The following SPATS2L variants were observed in gnomAD, a reference collection of about 807,000 sequenced individuals.
SPATS2L encodes the protein SPATS2-like protein.
In SPATS2L, 30 loss-of-function variants were observed where a neutral mutation model predicts 59.6. The ratio of observed to expected loss-of-function variants is 0.50; its 90% CI spans 0.38 to 0.68. The LOEUF is 0.68. Among genes scored for constraint, SPATS2L ranks in the 30% least tolerant of loss-of-function variants. The probability of loss-of-function intolerance (pLI) is 0.00; values close to 1 mark genes in which losing one functional copy is unlikely to be tolerated. For missense variants in SPATS2L, 615 were observed against 700.0 expected, an observed-to-expected ratio of 0.88 and a Z score of 1.37; for synonymous variants, 252 against 263.5, an observed-to-expected ratio of 0.96 and a Z score of 0.42.
chr2:200,336,926 T>C (rs1441829513), intron 2 of SPATS2L, among the ~76,000 whole-genome samples: 1 of 149,880 alleles, frequency 6.7e-6, no homozygotes, highest in African/African-American at 2.4e-5. Flanking sequence ...TCATACTTAG[T>C]GAAATTTTTT....
intron 2 of SPATS2L, among the ~76,000 whole-genome samples, chr2:200,347,455 C>A (rs1013449242): frequency 6.6e-6 from 1 of 152,152 alleles, no homozygotes; most frequent in East Asian, 1.9e-4. Context: ...TCTCATCATC[C>A]TCTTCATTTA....
At chr2:200,386,539 T>C (rs952499940) in intron 2 of SPATS2L, among the ~76,000 whole-genome samples, 2 of 152,234 alleles carry the variant, frequency 1.3e-5, no homozygotes, top group African/African-American at 4.8e-5. Flanking sequence ...ATTTTCTCTC[T>C]TCAATGGAAT....
At chr2:200,394,630 T>G (rs2082275861) in intron 3 of SPATS2L, among the ~76,000 whole-genome samples, 1 of 152,198 alleles carries the variant, frequency 6.6e-6, no homozygotes, top group African/African-American at 2.4e-5. Flanking sequence ...GTTAAGTTCT[T>G]TAGAGACTTC....
At chr2:200,421,532 A>AG (rs2083306172) in intron 6 of SPATS2L, among the ~76,000 whole-genome samples, 2 of 152,228 alleles carry the variant, frequency 1.3e-5, no homozygotes, top group African/African-American at 4.8e-5. Context: ...ACACTCTGTA[A>AG]TACACTAGTA....
intron 2 of SPATS2L, among the ~76,000 whole-genome samples, chr2:200,350,442 C>T (rs2080681442): frequency 6.6e-6 from 1 of 152,112 alleles, no homozygotes; most frequent in Admixed American, 6.5e-5. Context: ...GTTAACCACC[C>T]CCACCCCATG....
intron 12 of SPATS2L, among the ~76,000 whole-genome samples, chr2:200,477,435 A>G (rs528464810): frequency 6.6e-6 from 1 of 151,170 alleles, no homozygotes; most frequent in South Asian, 2.1e-4. Flanking sequence ...TTCCATTTAC[A>G]AAACAGTCCA....
At chr2:200,458,517 A>G (rs1378935648) in intron 8 of SPATS2L, among the ~76,000 whole-genome samples, 1 of 152,242 alleles carries the variant, frequency 6.6e-6, no homozygotes, top group African/African-American at 2.4e-5. Flanking sequence ...TAGGAAATAC[A>G]AAAGAACAGG....
chr2:200,332,097 A>G (rs571140236), intron 2 of SPATS2L, among the ~76,000 whole-genome samples: 1 of 152,320 alleles, frequency 6.6e-6, no homozygotes, highest in African/African-American at 2.4e-5. Flanking sequence ...GGTATGCACA[A>G]TATTAGCCCT....
In SPATS2L at chr2:200,327,283, AATC is replaced by A. The variant is rs529139075; in HGVS notation, c.-72-2147_-72-2145del. Among the ~76,000 whole-genome samples, 17 of 152,094 alleles carry A rather than the reference AATC, an allele frequency of 1.1e-4. 1 individual carries two copies. In the South Asian group the frequency reaches 3.5e-3, roughly 32 times the overall value. On this transcript the variant is annotated intron_variant, in intron 1 of 12. Coordinates refer to ENST00000409140, the MANE Select transcript of SPATS2L (RefSeq NM_001100423.2). ...GCCCAGTGTGGTGGCATGCACCTGT[AATC>A]CCAGCTACTTGAGAGGCCAAGGCAG...
chr2:200,445,153 G>C (rs565129186), intron 8 of SPATS2L, among the ~76,000 whole-genome samples: 2 of 148,108 alleles, frequency 1.4e-5, no homozygotes, highest in South Asian at 4.3e-4. Context: ...TCTACAAAAA[G>C]AAAAAAAAAA....
chr2:200,448,978 G>C (rs548674472), intron 8 of SPATS2L, among the ~76,000 whole-genome samples: 1 of 152,236 alleles, frequency 6.6e-6, no homozygotes, highest in African/African-American at 2.4e-5. Flanking sequence ...TAAGCTCCGG[G>C]ATCTATTCTG....
At chr2:200,371,469 C>T (rs933113522) in intron 2 of SPATS2L, among the ~76,000 whole-genome samples, 7 of 152,142 alleles carry the variant, frequency 4.6e-5, no homozygotes, top group African/African-American at 1.7e-4. Flanking sequence ...AGAAAAAGCT[C>T]TTTTAGGATG....
rs1053724597 is a variant in SPATS2L, at chr2:200,480,018, C to A, written c.*1987C>A. 9.1e-6 allele frequency: 3 copies of A among 328,448 alleles called. No individual in the cohort carries two copies. In the Admixed American group the frequency reaches 1.5e-4, roughly 16 times the overall value. 20.3% of individuals were successfully genotyped at this position (328,448 alleles called of 1,614,324 possible). ...TCTGAGGCCCTGAATTCATATATTA[C>A]AAGACGGAAGGATTTTGCACAGTTT... On this transcript the variant is annotated 3_prime_UTR_variant, in exon 13 of 13. Transcript: ENST00000409140.
chr2:200,326,751 G>A (rs991568988), intron 1 of SPATS2L, among the ~76,000 whole-genome samples: 4 of 151,232 alleles, frequency 2.6e-5, no homozygotes, highest in East Asian at 1.9e-4. Flanking sequence ...TTTTCGAGAC[G>A]GAGTCTTGCT....
At chr2:200,462,939 A>G (rs1370374036) in intron 9 of SPATS2L, among the ~76,000 whole-genome samples, 1 of 151,372 alleles carries the variant, frequency 6.6e-6, no homozygotes, top group African/African-American at 2.4e-5. Context: ...AATAATAATA[A>G]CAATAATAAT....
At chr2:200,410,134 G>A (rs2082824979) in intron 3 of SPATS2L, among the ~76,000 whole-genome samples, 1 of 151,522 alleles carries the variant, frequency 6.6e-6, no homozygotes, top group African/African-American at 2.4e-5. Flanking sequence ...TATTATTTAG[G>A]TGTGCCTGAT....
At chr2:200,336,895 A>T (rs1337025951) in intron 2 of SPATS2L, among the ~76,000 whole-genome samples, 2 of 152,186 alleles carry the variant, frequency 1.3e-5, no homozygotes, top group African/African-American at 4.8e-5. Context: ...GTACATATGA[A>T]ACAACCAAAT....
intron 1 of SPATS2L, among the ~76,000 whole-genome samples, chr2:200,310,154 G>T (rs2079147722): frequency 6.6e-6 from 1 of 151,926 alleles, no homozygotes; most frequent in Non-Finnish European, 1.5e-5. Flanking sequence ...ACTTTTTATG[G>T]TGGATGGCCT....
At chr2:200,418,789 G>A (rs1357631429) in intron 5 of SPATS2L, among the ~76,000 whole-genome samples, 1 of 151,970 alleles carries the variant, frequency 6.6e-6, no homozygotes, top group African/African-American at 2.4e-5. Context: ...CTTTTCCCTA[G>A]TAGTCCTCCC....
Sources: gnomAD v4.1 joint callset for allele counts (sites outside exome capture counted in the v4.1 genomes callset) on GRCh38, gnomAD v4.1.1 for gene constraint, MANE v1.5 for transcripts, NCBI Gene and HGNC (gene_info 2026-07-23, HGNC 2026-07-21) for gene names.